CHD8: variants seen among roughly 807,000 people sequenced by gnomAD.
CHD8 encodes the protein chromodomain helicase DNA binding protein 8.
In CHD8, 31 loss-of-function variants were observed where a neutral mutation model predicts 279.2. The ratio of observed to expected loss-of-function variants is 0.11; its 90% CI spans 0.08 to 0.15. The LOEUF (loss-of-function observed/expected upper bound fraction) is 0.15. Ranked by LOEUF, CHD8 falls within the 10% of genes least tolerant of loss-of-function variation. The pLI is 1.00. For synonymous variants in CHD8, 1,081 were observed against 1,139.6 expected, an observed-to-expected ratio of 0.95 and a Z score of 1.04; for missense variants, 2,146 against 3,230.5, an observed-to-expected ratio of 0.66 and a Z score of 8.14.
chr14:21,441,638 C>G (rs1263456725), intron 1 of CHD8, among the ~76,000 whole-genome samples: 5 of 152,016 alleles, frequency 3.3e-5, no homozygotes, highest in Non-Finnish European at 7.4e-5. Flanking sequence ...CCTGTAATCC[C>G]AGCACTTTGG....
chr14:21,392,984 A>AC lies in CHD8; in HGVS notation c.6468+121_6468+122insG, dbSNP rs1010740864. 2.0e-4 allele frequency: 256 copies of AC among 1,262,582 alleles called. 1 individual carries two copies. Among genetic ancestry groups the AC allele is most frequent in the Non-Finnish European group, 2.7e-4 (250 of 924,354 alleles). 78.2% of individuals were successfully genotyped at this position (1,262,582 alleles called of 1,614,324 possible). On this transcript the variant is annotated intron_variant, in intron 33 of 37. Transcript: ENST00000646647. ...CTGGGAAGTTTCCTGGAAAAAAAAA[A>AC]AAAAACTTGCAGCAATAAACACAAT... is the stretch of plus-strand genomic sequence containing the variant.
At chr14:21,446,586 C>A (rs901724078) in intron 1 of CHD8, among the ~76,000 whole-genome samples, 14 of 152,232 alleles carry the variant, frequency 9.2e-5, no homozygotes, top group Admixed American at 5.9e-4. Flanking sequence ...GCTAGGATTA[C>A]TTTGGCGTGA....
In CHD8 at chr14:21,410,041, CA is replaced by C. The variant is rs1273429826; in HGVS notation, c.2227-54del. On this transcript the variant is annotated intron_variant, in intron 10 of 37. Transcript: ENST00000646647. ...GAAACTGATTCTGTGTTCTCTGCTC[CA>C]GTTAAAGAATAAAAATTTGATTGTA... The C allele has an allele frequency of 2.7e-6, 4 of 1,502,172 alleles. No homozygotes were observed. In the East Asian group the frequency reaches 9.2e-5, roughly 35 times the overall value. The allele number at this position is 1,502,172 out of a possible 1,614,324, so 93.1% of individuals were successfully genotyped here.
At chr14:21,450,828 T>C (rs557686358) in intron 1 of CHD8, among the ~76,000 whole-genome samples, 173 of 152,284 alleles carry the variant, frequency 1.1e-3, no homozygotes, top group Non-Finnish European at 2.0e-3. Flanking sequence ...AAAAAGGTGT[T>C]ATTAGGAAAT....
chr14:21,438,512 T>TAAAAAAAAAAAAAAAA (rs559681631), intron 1 of CHD8, among the ~76,000 whole-genome samples: 2 of 112,498 alleles, frequency 1.8e-5, no homozygotes, highest in Non-Finnish European at 3.5e-5. Context: ...CCTAGTCTCT[T>TAAAAAAAAAAAAAAAA]AAAAAAAAAA....
intron 1 of CHD8, among the ~76,000 whole-genome samples, chr14:21,448,582 A>G (rs1890181096): frequency 6.6e-6 from 1 of 151,826 alleles, no homozygotes; most frequent in Non-Finnish European, 1.5e-5. Flanking sequence ...GTTTTTTGAG[A>G]CACCGTCTTA....
rs1264705663 is a variant in CHD8 at position 21,438,367 on chromosome 14, CTG to C, written c.-215-6511_-215-6510del. Among the ~76,000 whole-genome samples the C allele has an allele frequency of 3.3e-5, 5 of 152,058 alleles. No homozygotes were observed. The East Asian group carries it at 7.8e-4, about 24-fold the overall frequency. On this transcript the variant is annotated intron_variant, in intron 1 of 37. Transcript: ENST00000646647. ...TGAGCCATCACGCCCAGCCAGGACACTGTTATTAAAAAGAGCAGTTTAGTCCG... is the reference window on the plus strand; with the variant it reads ...TGAGCCATCACGCCCAGCCAGGACACTTATTAAAAAGAGCAGTTTAGTCCG...
rs573133658 is a variant in CHD8, at chr14:21,431,922, C to T, written c.-215-64G>A. The T allele has an allele frequency of 8.7e-4, 936 of 1,071,754 alleles. 16 individuals are homozygous for T. In the South Asian group the frequency reaches 0.011, roughly 12 times the overall value. 66.4% of individuals were successfully genotyped at this position (1,071,754 alleles called of 1,614,324 possible). ...AGTTGGCGATCTCAGAGAAAATTTT[C>T]CCTTCTTACGTACTGTTCTTAATAT... is the stretch of plus-strand genomic sequence containing the variant. On this transcript the variant is annotated intron_variant, in intron 1 of 37. Transcript: ENST00000646647.
chr14:21,446,317 C>CTTTTTT (rs71112587), intron 1 of CHD8, among the ~76,000 whole-genome samples: 1 of 137,540 alleles, frequency 7.3e-6, no homozygotes, highest in Non-Finnish European at 1.5e-5. Flanking sequence ...TCTTCTTCTT[C>CTTTTTT]TTTTTTTTTT....
At chr14:21,440,687 G>A (rs1380087392) in intron 1 of CHD8, among the ~76,000 whole-genome samples, 1 of 152,298 alleles carries the variant, frequency 6.6e-6, no homozygotes, top group African/African-American at 2.4e-5. Flanking sequence ...CCTTGCTAAA[G>A]TGTAAATCGC....
chr14:21,392,965 A>AAAAG, intron 33 of CHD8, 141 bp downstream of exon 33: 1 of 1,091,618 alleles, frequency 9.2e-7, no homozygotes. Context: ...TCAACTGGGA[A>AAAAG]GTTTCCTGGA....
Position 21,430,989 on chromosome 14 carries a change from A to G in CHD8, c.655T>C (p.Ser219Pro), listed in dbSNP as rs780903830. The change falls in exon 2 of 38, where the codon TCT becomes CCT. Residue 219 changes from serine to proline, a missense_variant. Coordinates refer to ENST00000646647, the MANE Select transcript of CHD8 (RefSeq NM_001170629.2). ...TPLRPGVSIV[S>P]GNTVLAAKVP... ...TTGGCGGCCAACACTGTATTACCAG[A>G]GACAATGGAAACACCTGGTCGAAGG... 1.3e-6 allele frequency: 2 copies of G among 1,599,552 alleles called. No individual in the cohort carries two copies. The highest frequency in any genetic ancestry group is 1.7e-5 in the Admixed American group (1 of 60,022).
intron 1 of CHD8, among the ~76,000 whole-genome samples, chr14:21,447,758 C>T (rs1311889245): frequency 9.6e-5 from 14 of 145,478 alleles, no homozygotes; most frequent in African/African-American, 3.5e-4. Flanking sequence ...TTTTTTTTTT[C>T]CCAGTAAACC....
intron 37 of CHD8, among the ~76,000 whole-genome samples, chr14:21,387,578 G>A (rs1345009282): frequency 3.3e-5 from 5 of 149,528 alleles, no homozygotes; most frequent in African/African-American, 1.2e-4. Context: ...AGATCGCGGT[G>A]AGCAGAGATC....
intron 1 of CHD8, among the ~76,000 whole-genome samples, chr14:21,441,486 A>G (rs1889959313): frequency 6.6e-6 from 1 of 152,208 alleles, no homozygotes; most frequent in Non-Finnish European, 1.5e-5. Context: ...GATCAAGTTT[A>G]AAAAATAATA....
At chr14:21,399,049 A>T (rs548007209) in intron 26 of CHD8, 1 of 389,334 alleles carries the variant, frequency 2.6e-6, no homozygotes, top group Non-Finnish European at 5.1e-6. Flanking sequence ...GACCAGCAGC[A>T]TCTGATATTT....
chr14:21,455,746 G>A (rs1450210541), intron 1 of CHD8, among the ~76,000 whole-genome samples: 1 of 151,794 alleles, frequency 6.6e-6, no homozygotes, highest in African/African-American at 2.4e-5. Flanking sequence ...ACTACGCCCA[G>A]TAATGCAATG....
chr14:21,407,235 T>C (rs939497712), intron 13 of CHD8, among the ~76,000 whole-genome samples: 5 of 152,164 alleles, frequency 3.3e-5, no homozygotes, highest in African/African-American at 1.2e-4. Context: ...ATATTCAGCT[T>C]CTTGGGAAAA....
At chr14:21,436,589 CA>C (rs549729928) in intron 1 of CHD8, among the ~76,000 whole-genome samples, 1 of 152,196 alleles carries the variant, frequency 6.6e-6, no homozygotes, top group Non-Finnish European at 1.5e-5. Context: ...CTGTCTTCAC[CA>C]TTCTCACTGC....
Sources: gnomAD v4.1 joint callset for allele counts (sites outside exome capture counted in the v4.1 genomes callset) on GRCh38, gnomAD v4.1.1 for gene constraint, MANE v1.5 for transcripts, NCBI Gene and HGNC (gene_info 2026-07-23, HGNC 2026-07-21) for gene names.